The following DIP2B variants were observed in gnomAD, a reference collection of about 807,000 sequenced individuals.
The protein encoded by DIP2B is DIP2 acetate--CoA ligase B (putative).
In DIP2B, 76 loss-of-function variants were observed where a neutral mutation model predicts 198.0. The ratio of observed to expected loss-of-function variants is 0.38; its 90% CI spans 0.32 to 0.46. The LOEUF (loss-of-function observed/expected upper bound fraction) is 0.46. Ranked by LOEUF, DIP2B falls within the 20% of genes least tolerant of loss-of-function variation. The pLI is 0.99. For synonymous variants in DIP2B, 701 were observed against 739.1 expected, an observed-to-expected ratio of 0.95 and a Z score of 0.84; for missense variants, 1,559 against 1,978.4, an observed-to-expected ratio of 0.79 and a Z score of 4.02.
intron 1 of DIP2B, among the ~76,000 whole-genome samples, chr12:50,625,362 C>T (rs1937912618): frequency 6.6e-6 from 1 of 152,144 alleles, no homozygotes; most frequent in Non-Finnish European, 1.5e-5. Context: ...GTTGTATATG[C>T]ACTAATTTGT....
chr12:50,720,600 T>C (rs1939818113), intron 25 of DIP2B, among the ~76,000 whole-genome samples: 1 of 152,134 alleles, frequency 6.6e-6, no homozygotes, highest in Admixed American at 6.5e-5. Context: ...AGCCCACAGA[T>C]TCATTAGGGT....
chr12:50,597,577 G>C (rs1032233395), intron 1 of DIP2B, among the ~76,000 whole-genome samples: 1 of 152,186 alleles, frequency 6.6e-6, no homozygotes, highest in Non-Finnish European at 1.5e-5. Context: ...TGAATCAGAG[G>C]ATGGGATGCG....
chr12:50,744,599 A>T lies in DIP2B; in HGVS notation c.4491A>T (p.Thr1497=). ...ATTGAAATTTCAGTGCCGTGTTCAC[A>T]TGGACCAACTTGCTTGTGGTGGTTG... ...HRSIAECAVF[T]WTNLLVVVVE... The change falls in exon 38 of 38, where the codon ACA becomes ACT. Residue 1497 remains threonine, a synonymous_variant. Coordinates refer to ENST00000301180, the MANE Select transcript of DIP2B (RefSeq NM_173602.3). 6.2e-7 allele frequency: 1 copy of T among 1,613,814 alleles called. No individual in the cohort carries two copies. Among genetic ancestry groups the T allele is most frequent in the East Asian group, 2.2e-5 (1 of 44,876 alleles).
chr12:50,722,252 T>TATTTTA (rs760452385), intron 26 of DIP2B, among the ~76,000 whole-genome samples: 2 of 128,482 alleles, frequency 1.6e-5, no homozygotes, highest in African/African-American at 6.1e-5. Context: ...TTTGTTTGTT[T>TATTTTA]GTTTATTTTA....
Position 50,624,282 on chromosome 12 carries a change from C to T in DIP2B, c.101-1694C>T, listed in dbSNP as rs114441006. Among the ~76,000 whole-genome samples, 928 of 152,246 alleles carry T rather than the reference C, an allele frequency of 6.1e-3. 9 individuals carry two copies. Among genetic ancestry groups the T allele is most frequent in the African/African-American group, 0.022 (896 of 41,560 alleles). On this transcript the variant is annotated intron_variant, in intron 1 of 37. Transcript: ENST00000301180. ...CTGTCCTAAGCTTAACTCTTTTCTT[C>T]GACCTCACCAAACACACACCTCAAG...
intron 1 of DIP2B, among the ~76,000 whole-genome samples, chr12:50,605,518 A>G (rs1301303405): frequency 1.3e-5 from 2 of 152,138 alleles, no homozygotes; most frequent in Non-Finnish European, 2.9e-5. Flanking sequence ...AGCTGAGATC[A>G]CACCACTGCA....
chr12:50,527,760 A>G (rs1396041763), intron 1 of DIP2B, among the ~76,000 whole-genome samples: 1 of 152,244 alleles, frequency 6.6e-6, no homozygotes, highest in African/African-American at 2.4e-5. Flanking sequence ...CATGATTAAA[A>G]TAATTATTAA....
intron 2 of DIP2B, among the ~76,000 whole-genome samples, chr12:50,634,973 C>T (rs1289209891): frequency 3.3e-5 from 5 of 152,100 alleles, no homozygotes; most frequent in Non-Finnish European, 7.4e-5. Context: ...CAACTTGTTT[C>T]CACCCTCAAT....
chr12:50,621,162 TAAGTGGTG>T (rs939500466), intron 1 of DIP2B, among the ~76,000 whole-genome samples: 2 of 152,240 alleles, frequency 1.3e-5, no homozygotes, highest in Non-Finnish European at 2.9e-5. Context: ...GCACAGACTA[TAAGTGGTG>T]GCAACCACAG....
rs1940367107 is a variant in DIP2B, at chr12:50,748,251, G to T, written c.*3412G>T. 1 of 152,606 alleles carries T rather than the reference G, an allele frequency of 6.6e-6. No individual in the cohort carries two copies. Among genetic ancestry groups the T allele is most frequent in the Admixed American group, 6.5e-5 (1 of 15,276 alleles). 9.5% of individuals were successfully genotyped at this position (152,606 alleles called of 1,614,324 possible). ...TCACCTCATCCTCAAACTCCAACAA[G>T]ATCTATGCCTTAGTGTTGTTTTTGT... On this transcript the variant is annotated 3_prime_UTR_variant, in exon 38 of 38. Coordinates refer to ENST00000301180, the MANE Select transcript of DIP2B (RefSeq NM_173602.3).
chr12:50,681,115 T>C (rs1254108687), intron 9 of DIP2B, among the ~76,000 whole-genome samples: 1 of 152,136 alleles, frequency 6.6e-6, no homozygotes, highest in Non-Finnish European at 1.5e-5. Context: ...TTTATTTTAT[T>C]TTTTCCTCCT....
In DIP2B at chr12:50,745,675, G is replaced by C. The variant is rs920742701; in HGVS notation, c.*836G>C. 1.3e-5 allele frequency: 2 copies of C among 152,680 alleles called. No individual in the cohort carries two copies. The highest frequency in any genetic ancestry group is 3.9e-4 in the East Asian group (2 of 5,184). 9.5% of individuals were successfully genotyped at this position (152,680 alleles called of 1,614,324 possible). A position where few individuals can be genotyped will look rare whatever the true frequency, so the allele number is the denominator to read the frequency against. On this transcript the variant is annotated 3_prime_UTR_variant, in exon 38 of 38. Transcript: ENST00000301180. Reference sequence around the variant, plus strand: ...GCTTAGGCTTCTATGAATTCAGCCTGTTTCTAAAAGCTGAAAATCTCAGTT... The same window carrying C: ...GCTTAGGCTTCTATGAATTCAGCCTCTTTCTAAAAGCTGAAAATCTCAGTT...
chr12:50,526,029 A>G (rs1593579892), intron 1 of DIP2B, among the ~76,000 whole-genome samples: 1 of 152,238 alleles, frequency 6.6e-6, no homozygotes, highest in Admixed American at 6.5e-5. Flanking sequence ...ATATATTAAT[A>G]TGATTGGATT....
intron 1 of DIP2B, among the ~76,000 whole-genome samples, chr12:50,576,206 A>T (rs1439445296): frequency 6.6e-6 from 1 of 151,134 alleles, no homozygotes; most frequent in Non-Finnish European, 1.5e-5. Flanking sequence ...AGTAGCTAGG[A>T]TTACAGGCAC....
intron 2 of DIP2B, among the ~76,000 whole-genome samples, chr12:50,636,883 G>A (rs960893163): frequency 5.3e-5 from 8 of 152,116 alleles, no homozygotes; most frequent in Admixed American, 5.2e-4. Context: ...CTCCCAACCC[G>A]CTCTCCTTAC....
rs549808102 is a variant in DIP2B at position 50,721,339 on chromosome 12, C to A, written c.3109C>A (p.Leu1037Ile). The change falls in exon 26 of 38, where the codon CTT becomes ATT. Residue 1037 changes from leucine (L) to isoleucine (I), a missense_variant. Transcript: ENST00000301180. ...GCGAGCAGAGAGGATTGCATCTGTTCTTGGTGATAAGGGACATCTAAATGC... is the reference window on the plus strand; with the variant it reads ...GCGAGCAGAGAGGATTGCATCTGTTATTGGTGATAAGGGACATCTAAATGC... ...HKRAERIASV[L>I]GDKGHLNAGD... 1 of 1,614,068 alleles carries A rather than the reference C, an allele frequency of 6.2e-7. No homozygotes were observed. The highest frequency in any genetic ancestry group is 8.5e-7 in the Non-Finnish European group (1 of 1,180,034).
intron 19 of DIP2B, among the ~76,000 whole-genome samples, chr12:50,701,822 C>G (rs1318124209): frequency 1.3e-5 from 2 of 152,104 alleles, no homozygotes; most frequent in African/African-American, 4.8e-5. Context: ...AAGTGAAACT[C>G]ACTTCATCTG....
At chr12:50,699,610 C>T (rs535779031) in intron 19 of DIP2B, among the ~76,000 whole-genome samples, 9 of 152,054 alleles carry the variant, frequency 5.9e-5, no homozygotes, top group East Asian at 5.8e-4. Context: ...GAGGTTGAGG[C>T]GGAAGGATTG....
rs767138743 is a variant in DIP2B, at chr12:50,744,846, T to G, written c.*7T>G. 12 of 1,613,622 alleles carry G rather than the reference T, an allele frequency of 7.4e-6. No homozygotes were observed. Among genetic ancestry groups the G allele is most frequent in the East Asian group, 2.2e-5 (1 of 44,872 alleles). On this transcript the variant is annotated 3_prime_UTR_variant, in exon 38 of 38. Coordinates refer to ENST00000301180, the MANE Select transcript of DIP2B (RefSeq NM_173602.3). ...CGTGGCTTATAACATGTAACCAGCC[T>G]TGTGGGGACTGCAGTGGGCCATTCT...
Sources: allele counts gnomAD v4.1 joint callset (sites outside exome capture counted in the v4.1 genomes callset), GRCh38; gene constraint gnomAD v4.1.1; transcripts MANE v1.5; gene names NCBI Gene and HGNC (gene_info 2026-07-23, HGNC 2026-07-21).